STAG1: variants seen among roughly 807,000 people sequenced by gnomAD.
STAG1 encodes the protein cohesin subunit SA-1.
In STAG1, 26 loss-of-function variants were observed where a neutral mutation model predicts 170.9. That is an observed-to-expected ratio of 0.15 (90% confidence interval 0.11 to 0.21). STAG1 has a LOEUF of 0.21. Among genes scored for constraint, STAG1 ranks in the 10% least tolerant of loss-of-function variants. The pLI, the probability that STAG1 is intolerant of heterozygous loss-of-function variation, is 1.00. For missense variants in STAG1, 964 were observed against 1,509.5 expected, an observed-to-expected ratio of 0.64 and a Z score of 5.99; for synonymous variants, 514 against 497.7, an observed-to-expected ratio of 1.03 and a Z score of -0.44.
intron 6 of STAG1, among the ~76,000 whole-genome samples, chr3:136,538,901 G>A (rs1315410373): frequency 2.6e-5 from 4 of 152,082 alleles, no homozygotes; most frequent in South Asian, 2.1e-4. Flanking sequence ...TTGGGAGGCC[G>A]AGGCAGGTGG....
At chr3:136,523,625 T>A (rs1934818005) in intron 6 of STAG1, among the ~76,000 whole-genome samples, 1 of 152,238 alleles carries the variant, frequency 6.6e-6, no homozygotes, top group Non-Finnish European at 1.5e-5. Context: ...AGTTTTGGCT[T>A]TTGTTGCCAT....
chr3:136,668,983 G>C (rs1047615643), intron 1 of STAG1, among the ~76,000 whole-genome samples: 2 of 152,212 alleles, frequency 1.3e-5, no homozygotes, highest in Non-Finnish European at 2.9e-5. Flanking sequence ...TACTTCTTCA[G>C]TGGTACCTCC....
At chr3:136,746,322 C>T (rs1025456002) in intron 1 of STAG1, among the ~76,000 whole-genome samples, 1 of 151,930 alleles carries the variant, frequency 6.6e-6, no homozygotes, top group African/African-American at 2.4e-5. Context: ...AATTTTAATT[C>T]CCAGTTATAT....
At chr3:136,734,486 T>G (rs1019053163) in intron 1 of STAG1, among the ~76,000 whole-genome samples, 1 of 152,208 alleles carries the variant, frequency 6.6e-6, no homozygotes. Context: ...TAACTATTCA[T>G]GTTATCTTGA....
intron 21 of STAG1, among the ~76,000 whole-genome samples, chr3:136,400,385 A>C (rs2087288431): frequency 6.6e-6 from 1 of 150,908 alleles, no homozygotes; most frequent in Non-Finnish European, 1.5e-5. Flanking sequence ...ACGCCTGACT[A>C]ATTTTTTTGT....
intron 23 of STAG1, among the ~76,000 whole-genome samples, chr3:136,371,264 C>G (rs898534734): frequency 6.6e-6 from 1 of 152,094 alleles, no homozygotes; most frequent in African/African-American, 2.4e-5. Context: ...AGCCCTTTGT[C>G]AGATAAGTAG....
At chr3:136,465,386 A>T (rs1159312309) in intron 12 of STAG1, among the ~76,000 whole-genome samples, 1 of 151,446 alleles carries the variant, frequency 6.6e-6, no homozygotes, top group Non-Finnish European at 1.5e-5. Context: ...CGCTCAGCTA[A>T]TTTTTTGTAT....
chr3:136,657,469 C>T (rs933127196), intron 1 of STAG1, among the ~76,000 whole-genome samples: 1 of 152,124 alleles, frequency 6.6e-6, no homozygotes, highest in Non-Finnish European at 1.5e-5. Context: ...GGATTACAGG[C>T]ATAAGCCACC....
chr3:136,542,617 A>G (rs1935962351), intron 5 of STAG1, among the ~76,000 whole-genome samples: 1 of 151,706 alleles, frequency 6.6e-6, no homozygotes, highest in South Asian at 2.1e-4. Flanking sequence ...ACTGACTAAC[A>G]CATGTGCAAA....
intron 14 of STAG1, among the ~76,000 whole-genome samples, chr3:136,449,785 G>A (rs2088884472): frequency 6.6e-6 from 1 of 151,734 alleles, no homozygotes; most frequent in South Asian, 2.1e-4. Context: ...TGAGCTTTCA[G>A]AGATAAAAAA....
chr3:136,739,121 T>C (rs1559982703), intron 1 of STAG1, among the ~76,000 whole-genome samples: 3 of 152,130 alleles, frequency 2.0e-5, no homozygotes, highest in South Asian at 4.1e-4. Context: ...GAGAGAAAAA[T>C]GGCCTTTTAA....
chr3:136,373,031 T>C (rs1937431678), intron 23 of STAG1, among the ~76,000 whole-genome samples: 2 of 152,202 alleles, frequency 1.3e-5, no homozygotes, highest in Admixed American at 1.3e-4. Flanking sequence ...TCAGAGCCTG[T>C]TATTGGTCTA....
At chr3:136,558,054 A>C (rs931629689) in intron 5 of STAG1, among the ~76,000 whole-genome samples, 3 of 152,350 alleles carry the variant, frequency 2.0e-5, no homozygotes, top group African/African-American at 7.2e-5. Flanking sequence ...ATGGAAGAAG[A>C]AAGCTGCAAT....
At chr3:136,598,401 A>G (rs1338033912) in intron 4 of STAG1, among the ~76,000 whole-genome samples, 2 of 151,806 alleles carry the variant, frequency 1.3e-5, no homozygotes, top group Admixed American at 6.6e-5. Context: ...ACAACTCTGT[A>G]TATCTCCTCT....
intron 1 of STAG1, among the ~76,000 whole-genome samples, chr3:136,680,310 T>C (rs1237420702): frequency 6.6e-6 from 1 of 152,138 alleles, no homozygotes; most frequent in Non-Finnish European, 1.5e-5. Flanking sequence ...GGTGGGGGAA[T>C]TCCCTCCAAG....
chr3:136,692,126 C>T (rs1479872717), intron 1 of STAG1, among the ~76,000 whole-genome samples: 2 of 147,436 alleles, frequency 1.4e-5, no homozygotes, highest in Non-Finnish European at 3.0e-5. Context: ...ACCAGCCTGG[C>T]CAACATGATG....
At chr3:136,577,605 A>C (rs1480261738) in intron 4 of STAG1, among the ~76,000 whole-genome samples, 6 of 152,166 alleles carry the variant, frequency 3.9e-5, no homozygotes, top group African/African-American at 1.4e-4. Context: ...ACATGGACAG[A>C]TGCCTTGAAG....
intron 29 of STAG1, among the ~76,000 whole-genome samples, chr3:136,345,784 T>G (rs1003330709): frequency 6.6e-6 from 1 of 152,294 alleles, no homozygotes; most frequent in Middle Eastern, 3.4e-3. Flanking sequence ...CTCCTCGTAT[T>G]TCTCAGGTTT....
intron 1 of STAG1, among the ~76,000 whole-genome samples, chr3:136,749,928 A>G (rs1935141740): frequency 6.6e-6 from 1 of 151,610 alleles, no homozygotes; most frequent in African/African-American, 2.4e-5. Flanking sequence ...AAAGAAAGAA[A>G]CTAATATACC....
Sources: allele counts gnomAD v4.1 joint callset (sites outside exome capture counted in the v4.1 genomes callset), GRCh38; gene constraint gnomAD v4.1.1; transcripts MANE v1.5; gene names NCBI Gene and HGNC (gene_info 2026-07-23, HGNC 2026-07-21).